The following MGAM variants were observed in gnomAD, a reference collection of about 807,000 sequenced individuals.
MGAM encodes the protein maltase-glucoamylase, also known as alpha-1,4-glucosidase.
In MGAM, 253 loss-of-function variants were observed where a neutral mutation model predicts 358.8. The observed-to-expected ratio is 0.71, with a 90% confidence interval of 0.64 to 0.78. The LOEUF is 0.78. MGAM is among the 30% of genes least tolerant of loss of function. MGAM has a pLI of 0.00. For missense variants in MGAM, 3,080 were observed against 3,432.6 expected, an observed-to-expected ratio of 0.90 and a Z score of 2.57; for synonymous variants, 1,105 against 1,227.1, an observed-to-expected ratio of 0.90 and a Z score of 2.08.
intron 24 of MGAM, 87 bp from the exon 25 acceptor site, chr7:142,052,207 T>A (rs1585015039): frequency 3.1e-6 from 1 of 326,972 alleles, no homozygotes; most frequent in Non-Finnish European, 4.6e-6. Context: ...CTAATTTCTA[T>A]TTTTTTTTTA....
At chr7:142,038,870 G>A (rs939541561) in intron 19 of MGAM, among the ~76,000 whole-genome samples, 4 of 152,132 alleles carry the variant, frequency 2.6e-5, no homozygotes, top group African/African-American at 9.7e-5. Context: ...TACAAGTTAT[G>A]TTAGGTTGTT....
At chr7:142,049,205 C>T (rs563397190) in intron 22 of MGAM, among the ~76,000 whole-genome samples, 1 of 151,984 alleles carries the variant, frequency 6.6e-6, no homozygotes, top group African/African-American at 2.4e-5. Flanking sequence ...CTTTTTATGT[C>T]TGAATAATAT....
At chr7:142,040,053 T>G in intron 19 of MGAM, 62 bp from the exon 20 acceptor site, 1 of 1,277,716 alleles carries the variant, frequency 7.8e-7, no homozygotes, top group East Asian at 2.4e-5. Context: ...AGAAATTCCC[T>G]AGAGAATAAA....
At chr7:142,051,440 T>C (rs1810941367) in intron 24 of MGAM, among the ~76,000 whole-genome samples, 1 of 152,164 alleles carries the variant, frequency 6.6e-6, no homozygotes, top group South Asian at 2.1e-4. Flanking sequence ...AGAAGGATGA[T>C]AATCTTTAGA....
intron 21 of MGAM, among the ~76,000 whole-genome samples, chr7:142,042,494 T>C (rs868210280): frequency 5.8e-4 from 9 of 15,596 alleles, no homozygotes; most frequent in African/African-American, 2.5e-3. Context: ...TATATACATA[T>C]ATATAATATA....
rs778719364 is a variant in MGAM at position 142,047,864 on chromosome 7, G to A, written c.2578G>A (p.Glu860Lys). Residue 860 changes from glutamate (E) to lysine (K), a missense_variant, in exon 22 of 71, where the codon GAA becomes AAA. Glu to Lys is a moderately conservative substitution (Grantham distance 56). This residue lies in a region of MGAM where 1,816 missense variants were observed against 1,840.5 expected (regional missense o/e 0.99). Coordinates refer to ENST00000475668, the MANE Select transcript of MGAM (RefSeq NM_001365693.1). ...AGGAGAACTTTTCTGGGATAATGGGGAAACGAAGGGTGAGCACTTATACGA... is the reference window on the plus strand; with the variant it reads ...AGGAGAACTTTTCTGGGATAATGGGAAAACGAAGGGTGAGCACTTATACGA... ...AKGELFWDNGETKDTVANKVY... is the reference protein window; with the variant it reads ...AKGELFWDNGKTKDTVANKVY... The A allele has an allele frequency of 6.2e-7, 1 of 1,602,254 alleles. No individual in the cohort carries two copies. The highest frequency in any genetic ancestry group is 8.5e-7 in the Non-Finnish European group (1 of 1,169,802).
rs1287410428 is a variant in MGAM at position 142,080,937 on chromosome 7, C to T, written c.5994C>T (p.Gly1998=). 6.4e-7 allele frequency: 1 copy of T among 1,553,800 alleles called. No homozygotes were observed. Among genetic ancestry groups the T allele is most frequent in the Admixed American group, 1.7e-5 (1 of 58,192 alleles). The change falls in exon 50 of 71, where the codon GGC becomes GGT. Residue 1998 remains glycine (G), a synonymous_variant. Coordinates refer to ENST00000475668, the MANE Select transcript of MGAM (RefSeq NM_001365693.1). ...TTGAAATTCGCCGGAAGAGTACAGG[C>T]ACTATAATGTGAGTGGCTTCTAGTG... ...FGIEIRRKST[G]TIIWDSQLLG... is the part of the protein sequence containing the mutation.
intron 10 of MGAM, among the ~76,000 whole-genome samples, 163 bp downstream of exon 10, chr7:142,027,898 C>T (rs2272331): frequency 0.05 from 7,495 of 151,412 alleles, 415 homozygotes; most frequent in African/African-American, 0.13. Context: ...TTTGTTGGAC[C>T]AGTAATTTTT....
intron 8 of MGAM, 58 bp downstream of exon 8, chr7:142,025,207 C>T (rs1806842048): frequency 1.9e-5 from 25 of 1,288,252 alleles, no homozygotes; most frequent in Non-Finnish European, 2.6e-5. Context: ...CCCTTTCTTA[C>T]AGCACTATGA....
At chr7:142,031,015 C>T (rs1807442311) in intron 12 of MGAM, among the ~76,000 whole-genome samples, 1 of 152,104 alleles carries the variant, frequency 6.6e-6, no homozygotes, top group Admixed American at 6.6e-5. Flanking sequence ...TTTCTCACCT[C>T]CCACACACTC....
chr7:142,080,935 G>C lies in MGAM; in HGVS notation c.5992G>C (p.Gly1998Arg), dbSNP rs753370578. Reference protein sequence around the residue: ...FGIEIRRKSTGTIIWDSQLLG... With the variant: ...FGIEIRRKSTRTIIWDSQLLG... ...GATTGAAATTCGCCGGAAGAGTACA[G>C]GCACTATAATGTGAGTGGCTTCTAG... Residue 1998 changes from glycine to arginine, a missense_variant, in exon 50 of 71, where the codon GGC (glycine) becomes CGC (arginine). By Grantham distance (125) the Gly-to-Arg change is moderately radical. This residue lies in a region of MGAM where 932 missense variants were observed against 1,198.2 expected (regional missense o/e 0.78). Transcript: ENST00000475668. 25 of 1,554,492 alleles carry C rather than the reference G, an allele frequency of 1.6e-5. 1 individual carries two copies. The highest frequency in any genetic ancestry group is 2.1e-5 in the Non-Finnish European group (24 of 1,131,634).
chr7:142,021,536 C>G (rs782002879), intron 5 of MGAM, 50 bp from the exon 6 acceptor site: 1 of 1,574,356 alleles, frequency 6.4e-7, no homozygotes, highest in Non-Finnish European at 8.7e-7. Flanking sequence ...TATTGGGAAG[C>G]TCTGACAAGT....
At chr7:142,079,806 C>T (rs1814083350) in intron 49 of MGAM, among the ~76,000 whole-genome samples, 1 of 146,224 alleles carries the variant, frequency 6.8e-6, no homozygotes, top group Admixed American at 6.9e-5. Context: ...TCTTTACAAT[C>T]TGACATCAAC....
intron 1 of MGAM, among the ~76,000 whole-genome samples, chr7:141,998,718 C>T (rs1203828800): frequency 7.2e-5 from 11 of 152,090 alleles, no homozygotes; most frequent in East Asian, 1.9e-4. Context: ...AGTAAACATA[C>T]GTGTGCGTGT....
In MGAM at chr7:142,034,341, C is replaced by T. The variant is rs1433077272; in HGVS notation, c.1749C>T (p.His583=). The part of the protein sequence containing the change: ...VQHWGKQYDI[H]NLYGYSMAVA... ...ACTGGGGCAAGCAGTATGACATTCACAATCTGTATGGCTACTCCATGGCGG... is the reference window on the plus strand; with the variant it reads ...ACTGGGGCAAGCAGTATGACATTCATAATCTGTATGGCTACTCCATGGCGG... The change falls in exon 15 of 71, where the codon CAC becomes CAT. Residue 583 remains histidine (H), a synonymous_variant. Coordinates refer to ENST00000475668, the MANE Select transcript of MGAM (RefSeq NM_001365693.1). 2.5e-6 allele frequency: 4 copies of T among 1,595,030 alleles called. No individual in the cohort carries two copies. Among genetic ancestry groups the T allele is most frequent in the Non-Finnish European group, 3.4e-6 (4 of 1,170,434 alleles).
Position 142,040,171 on chromosome 7 carries a change from T to C in MGAM, c.2373T>C (p.Thr791=). ...VPDAVWYDYE[T]GSQVRWRKQK... Reference sequence around the variant, plus strand: ...ATGCTGTCTGGTATGACTACGAGACTGTAAGTAGCTTTGACTTTTCTTCTA... The same window carrying C: ...ATGCTGTCTGGTATGACTACGAGACCGTAAGTAGCTTTGACTTTTCTTCTA... The change falls in exon 20 of 71, where the codon ACT becomes ACC. Residue 791 remains threonine, a splice_region_variant and synonymous_variant. Transcript: ENST00000475668. 1.2e-6 allele frequency: 2 copies of C among 1,609,916 alleles called. No individual in the cohort carries two copies. The highest frequency in any genetic ancestry group is 1.7e-6 in the Non-Finnish European group (2 of 1,176,878).
In MGAM at chr7:142,066,821, G is replaced by T. The variant is rs1018128171; in HGVS notation, c.4919+100G>T. The T allele has an allele frequency of 3.5e-5, 47 of 1,356,712 alleles. 5 individuals carry two copies. The highest frequency in any genetic ancestry group is 4.4e-5 in the Non-Finnish European group (43 of 981,680). 84.0% of individuals were successfully genotyped at this position (1,356,712 alleles called of 1,614,324 possible). On this transcript the variant is annotated intron_variant, in intron 41 of 70. Transcript: ENST00000475668. ...AACGCTTCCAAATTAAAGACATGAT[G>T]GCCTTTTGACATGAGCTCTTCAGAC...
intron 57 of MGAM, among the ~76,000 whole-genome samples, chr7:142,088,480 C>T (rs62477633): frequency 0.5 from 71,327 of 142,036 alleles, 22,522 homozygotes; most frequent in African/African-American, 0.66. Flanking sequence ...TATCTATCTA[C>T]CTATCTCAGT....
intron 23 of MGAM, 76 bp downstream of exon 23, chr7:142,050,360 G>A (rs1202199158): frequency 2.7e-6 from 4 of 1,469,854 alleles, no homozygotes; most frequent in African/African-American, 1.4e-5. Context: ...TGTGTATATT[G>A]TATATGTGTG....
Sources: allele counts gnomAD v4.1 joint callset (sites outside exome capture counted in the v4.1 genomes callset), GRCh38; gene constraint gnomAD v4.1.1; regional missense constraint gnomAD v4.1.1; transcripts MANE v1.5; gene names NCBI Gene and HGNC (gene_info 2026-07-23, HGNC 2026-07-21).